ATOSA: variants seen among roughly 807,000 people sequenced by gnomAD.
ATOSA encodes atos homolog protein A.
chr15:52,683,369 G>C, the ATOSA span, among the ~76,000 whole-genome samples: 1 of 152,308 alleles, frequency 6.6e-6, no homozygotes, highest in South Asian at 2.1e-4. Flanking sequence ...TCTGAAATAA[G>C]TTAAATAATT....
chr15:52,671,076 G>A, the ATOSA span, among the ~76,000 whole-genome samples: 2 of 152,082 alleles, frequency 1.3e-5, no homozygotes, highest in African/African-American at 4.8e-5. Context: ...CAGCACAGGG[G>A]GTGGACATCA....
the ATOSA span, among the ~76,000 whole-genome samples, chr15:52,616,599 G>A: frequency 3.8e-4 from 58 of 152,118 alleles, no homozygotes; most frequent in African/African-American, 1.3e-3. Flanking sequence ...GTGTGACCCT[G>A]TTCCCCAACC....
the ATOSA span, among the ~76,000 whole-genome samples, chr15:52,597,729 A>G: frequency 6.6e-6 from 1 of 152,346 alleles, no homozygotes; most frequent in Admixed American, 6.5e-5. Context: ...AGAAAACTCT[A>G]AATCAGGGGT....
At chr15:52,585,342 A>C in the ATOSA span, 1 of 154,682 alleles carries the variant, frequency 6.5e-6, no homozygotes, top group African/African-American at 2.4e-5. Context: ...TCAAGTTCAA[A>C]CTTCTCAAAA....
the ATOSA span, among the ~76,000 whole-genome samples, chr15:52,607,773 T>C: frequency 1.3e-5 from 2 of 152,202 alleles, no homozygotes; most frequent in Admixed American, 6.5e-5. Context: ...ACAAGCAATA[T>C]ACAAAATCCA....
chr15:52,650,586 G>C, the ATOSA span, among the ~76,000 whole-genome samples: 1 of 152,094 alleles, frequency 6.6e-6, no homozygotes, highest in African/African-American at 2.4e-5. Flanking sequence ...TTAAAGAAAA[G>C]AAATATCTCT....
the ATOSA span, among the ~76,000 whole-genome samples, chr15:52,617,695 CT>C: frequency 6.6e-6 from 1 of 150,396 alleles, no homozygotes; most frequent in Non-Finnish European, 1.5e-5. Flanking sequence ...TACAATGTAG[CT>C]TTTACTCTTA....
At chr15:52,704,459 G>A in the ATOSA span, among the ~76,000 whole-genome samples, 1 of 152,090 alleles carries the variant, frequency 6.6e-6, no homozygotes, top group African/African-American at 2.4e-5. Context: ...AAGGCTTAAC[G>A]ACTAAAACAC....
At chr15:52,709,563 G>A in the ATOSA span, among the ~76,000 whole-genome samples, 22 of 152,200 alleles carry the variant, frequency 1.4e-4, 1 homozygote, top group East Asian at 3.7e-3. Flanking sequence ...AAGACTGCAC[G>A]CAGCTTCCAC....
chr15:52,632,370 T>C, the ATOSA span, among the ~76,000 whole-genome samples: 1 of 152,324 alleles, frequency 6.6e-6, no homozygotes, highest in South Asian at 2.1e-4. Flanking sequence ...TTAAATAAGA[T>C]TCCAAAATTA....
the ATOSA span, among the ~76,000 whole-genome samples, chr15:52,635,621 G>C: frequency 2.0e-5 from 3 of 151,708 alleles, no homozygotes; most frequent in Non-Finnish European, 4.4e-5. Flanking sequence ...GCTTGAGCCT[G>C]AGAGTTTGAG....
At chr15:52,678,133 C>G in the ATOSA span, 7 of 1,323,860 alleles carry the variant, frequency 5.3e-6, no homozygotes, top group South Asian at 5.9e-5. Flanking sequence ...CTGAAAGAGA[C>G]AAAAATAAAA....
chr15:52,619,832 AAAAAG>A, the ATOSA span, among the ~76,000 whole-genome samples: 89,724 of 148,506 alleles, frequency 0.6, 30,046 homozygotes, highest in Non-Finnish European at 0.76. Flanking sequence ...GTCTTAAAAA[AAAAAG>A]AAAAGAAAAG....
the ATOSA span, among the ~76,000 whole-genome samples, chr15:52,583,780 G>T: frequency 6.6e-6 from 1 of 152,180 alleles, no homozygotes; most frequent in East Asian, 1.9e-4. Context: ...GCTTACATCA[G>T]GTAGTGTCAG....
At chr15:52,708,223 T>A in the ATOSA span, among the ~76,000 whole-genome samples, 1 of 152,130 alleles carries the variant, frequency 6.6e-6, no homozygotes, top group Non-Finnish European at 1.5e-5. Context: ...GCTTACTCCT[T>A]CCAGAGCCAC....
chr15:52,703,088 G>A, the ATOSA span, among the ~76,000 whole-genome samples: 2 of 151,982 alleles, frequency 1.3e-5, no homozygotes, highest in Non-Finnish European at 2.9e-5. Context: ...AAACAAACAG[G>A]GTCTGATACA....
At chr15:52,646,413 G>A in the ATOSA span, among the ~76,000 whole-genome samples, 2 of 152,158 alleles carry the variant, frequency 1.3e-5, no homozygotes, top group Admixed American at 6.5e-5. Context: ...GGTGTCATTA[G>A]GTCTTCTCTA....
the ATOSA span, among the ~76,000 whole-genome samples, chr15:52,648,183 C>G: frequency 6.6e-6 from 1 of 152,084 alleles, no homozygotes; most frequent in South Asian, 2.1e-4. Context: ...TAAGTAGTTT[C>G]GCACATTCTT....
the ATOSA span, among the ~76,000 whole-genome samples, chr15:52,692,388 G>T: frequency 4.6e-5 from 7 of 152,164 alleles, no homozygotes; most frequent in Non-Finnish European, 1.0e-4. Context: ...ACAGGGTTTT[G>T]CTCCATCACC....
Sources: allele counts gnomAD v4.1 joint callset (sites outside exome capture counted in the v4.1 genomes callset), GRCh38; gene constraint gnomAD v4.1.1; transcripts MANE v1.5; gene names NCBI Gene and HGNC (gene_info 2026-07-23, HGNC 2026-07-21).